Variants in CDIPT observed in about 807,000 individuals in gnomAD.
CDIPT encodes the protein CDP-diacylglycerol--inositol 3-phosphatidyltransferase, also known as PI synthase.
In CDIPT, 17 loss-of-function variants were observed where a neutral mutation model predicts 21.6. The ratio of observed to expected loss-of-function variants is 0.79; its 90% confidence interval spans 0.54 to 1.18. CDIPT has a LOEUF of 1.18. Ranked by LOEUF, CDIPT falls within the 50% of genes most tolerant of loss-of-function variation. The pLI is 0.00. For missense variants in CDIPT, 254 were observed against 284.9 expected (o/e 0.89, Z 0.78); for synonymous variants, 119 against 117.9 (o/e 1.01, Z -0.06).
At chr16:29,861,387 G>A (rs772080905) in intron 2 of CDIPT, 128 bp from the exon 3 acceptor site, 118 of 1,549,716 alleles carry the variant, frequency 7.6e-5, no homozygotes, top group Non-Finnish European at 8.6e-5. Context: ...GGGGAGGAAC[G>A]CAGGCTAGAA....
At position 29,862,848 on chromosome 16, in the gene CDIPT, C is replaced by T. The variant is rs2067695187; in HGVS notation, c.10G>A (p.Glu4Lys). The stretch of plus-strand genomic sequence containing the variant: ...TTGGGCACGAACAGGAAGATATTTT[C>T]GTCTGGCATCGCGGCGCCTCCCTTG... MPD[E>K]NIFLFVPNLI... is the part of the protein sequence containing the mutation. The change falls in exon 1 of 6, where the codon GAA (glutamate) becomes AAA (lysine). Residue 4 changes from glutamate to lysine, a missense_variant. Glu to Lys is a moderately conservative substitution (Grantham distance 56). Coordinates refer to ENST00000219789, the MANE Select transcript of CDIPT (RefSeq NM_006319.5). The surrounding 1 kb of genome is among the most constrained non-coding windows in gnomAD (Gnocchi z 6.7). 1 of 1,613,692 alleles carries T rather than the reference C, an allele frequency of 6.2e-7. No individual in the cohort carries two copies. Among genetic ancestry groups the T allele is most frequent in the African/African-American group, 1.3e-5 (1 of 74,938 alleles).
chr16:29,863,054 C>A lies in CDIPT; in HGVS notation c.-197G>T. 1 of 648,540 alleles carries A rather than the reference C, an allele frequency of 1.5e-6. No homozygotes were observed. 40.2% of individuals were successfully genotyped at this position (648,540 alleles called of 1,614,324 possible). A position where few individuals can be genotyped will look rare whatever the true frequency, so the allele number is the denominator to read the frequency against. On this transcript the variant is annotated 5_prime_UTR_variant, in exon 1 of 6. Transcript: ENST00000219789. ...GACCGGCCCCGAGGTGCGCGGGACG[C>A]AGGGGGCGCGCGCAGTCCGCCCTTC...
rs761170255 is a variant in CDIPT, at chr16:29,860,673, A to G, written c.333-11T>C. On this transcript the variant is annotated splice_polypyrimidine_tract_variant and intron_variant, in intron 3 of 5. Coordinates refer to ENST00000219789, the MANE Select transcript of CDIPT (RefSeq NM_006319.5). ...CCTCGGACCACAGAACTTGGGGAGA[A>G]AACAGGGGAACCCACAAGGTTTCAT... The G allele has an allele frequency of 3.8e-6, 6 of 1,563,596 alleles. No individual in the cohort carries two copies. The Admixed American group carries it at 1.0e-4, about 26-fold the overall frequency.
rs1443960141 is a variant in CDIPT at position 29,858,625 on chromosome 16, G to A, written c.*564C>T. On this transcript the variant is annotated 3_prime_UTR_variant, in exon 6 of 6. Coordinates refer to ENST00000219789, the MANE Select transcript of CDIPT (RefSeq NM_006319.5). ...GACGGAGAAGCCAGCCAGCAAACTG[G>A]AGGAAAAGCACCCAGACGGACGTCC... The A allele has an allele frequency of 6.5e-6, 1 of 154,708 alleles. No homozygotes were observed. Among genetic ancestry groups the A allele is most frequent in the Admixed American group, 6.3e-5 (1 of 15,958 alleles). The allele number at this position is 154,708 out of a possible 1,614,324, so 9.6% of individuals were successfully genotyped here. A position where few individuals can be genotyped will look rare whatever the true frequency, so the allele number is the denominator to read the frequency against.
At chr16:29,860,338 T>C (rs1381268075) in intron 4 of CDIPT, among the ~76,000 whole-genome samples, 1 of 152,190 alleles carries the variant, frequency 6.6e-6, no homozygotes, top group Non-Finnish European at 1.5e-5. Flanking sequence ...CTGGCTTATC[T>C]CCCTTCCCGC....
In CDIPT at chr16:29,860,490, C is replaced by A. The variant is rs1344353864; in HGVS notation, c.414+91G>T. Reference sequence around the variant, plus strand: ...GTGACTGGGCAGGCCCTGCTCTGCGCCCTCGCCTTCTCCTAGGCTAGGACC... The same window carrying A: ...GTGACTGGGCAGGCCCTGCTCTGCGACCTCGCCTTCTCCTAGGCTAGGACC... On this transcript the variant is annotated intron_variant, in intron 4 of 5. Transcript: ENST00000219789. 10 of 830,876 alleles carry A rather than the reference C, an allele frequency of 1.2e-5. No homozygotes were observed. The East Asian group carries it at 2.6e-4, about 21-fold the overall frequency. The allele number at this position is 830,876 out of a possible 1,614,324, so 51.5% of individuals were successfully genotyped here.
In CDIPT at chr16:29,863,144, C is replaced by T; in HGVS notation, c.-287G>A. ...GCTCCGGGCCTCCAGCTGCGGTCGC[C>T]GCTGCTCCAGCTGCGCGTGGCTTCC... On this transcript the variant is annotated 5_prime_UTR_variant, in exon 1 of 6. Coordinates refer to ENST00000219789, the MANE Select transcript of CDIPT (RefSeq NM_006319.5). 2.2e-6 allele frequency: 1 copy of T among 450,808 alleles called. No homozygotes were observed. The highest frequency in any genetic ancestry group is 3.9e-6 in the Non-Finnish European group (1 of 253,166). 27.9% of individuals were successfully genotyped at this position (450,808 alleles called of 1,614,324 possible).
chr16:29,859,320 G>A lies in CDIPT; in HGVS notation c.511C>T (p.Leu171=). The change falls in exon 6 of 6, where the codon CTG becomes TTG. Residue 171 remains leucine, a synonymous_variant. Coordinates refer to ENST00000219789, the MANE Select transcript of CDIPT (RefSeq NM_006319.5). This position sits in a 1 kb window ranked among gnomAD's most constrained non-coding sequence, Gnocchi z 4.5. Reference sequence around the variant, plus strand: ...GTGACCCAGAGGCCCATCCGGAACAGTCCCACAGAGCCAACTGCAGGAAGG... The same window carrying A: ...GTGACCCAGAGGCCCATCCGGAACAATCCCACAGAGCCAACTGCAGGAAGG... ...SEGPLVGSVG[L]FRMGLWVTAP... The A allele has an allele frequency of 2.6e-6, 4 of 1,566,098 alleles. No individual in the cohort carries two copies. Among genetic ancestry groups the A allele is most frequent in the Non-Finnish European group, 2.6e-6 (3 of 1,155,154 alleles).
In CDIPT at chr16:29,862,795, G is replaced by A. The variant is rs563889863; in HGVS notation, c.43+20C>T. The A allele has an allele frequency of 4.3e-6, 7 of 1,613,996 alleles. No individual in the cohort carries two copies. In the South Asian group the frequency reaches 7.7e-5, roughly 18 times the overall value. ...GCCCCTCGCCCTCTCGTTCGGCCCG[G>A]GGCCGTGGGCAGCACTCACCGATGA... On this transcript the variant is annotated intron_variant, in intron 1 of 5. Coordinates refer to ENST00000219789, the MANE Select transcript of CDIPT (RefSeq NM_006319.5). The surrounding 1 kb of genome is among the most constrained non-coding windows in gnomAD (Gnocchi z 6.7).
Position 29,862,840 on chromosome 16 carries a change from G to A in CDIPT, c.18C>T (p.Ile6=), listed in dbSNP as rs763783272. ...CGATGAGGTTGGGCACGAACAGGAA[G>A]ATATTTTCGTCTGGCATCGCGGCGC... MPDEN[I]FLFVPNLIGY... The change falls in exon 1 of 6, where the codon ATC becomes ATT. Residue 6 remains isoleucine, a synonymous_variant. Coordinates refer to ENST00000219789, the MANE Select transcript of CDIPT (RefSeq NM_006319.5). This position sits in a 1 kb window ranked among gnomAD's most constrained non-coding sequence, Gnocchi z 6.7. The A allele has an allele frequency of 6.2e-7, 1 of 1,613,850 alleles. No individual in the cohort carries two copies. Among genetic ancestry groups the A allele is most frequent in the African/African-American group, 1.3e-5 (1 of 74,938 alleles).
At position 29,859,383 on chromosome 16, in the gene CDIPT, A is replaced by C. The variant is rs1181906979; in HGVS notation, c.497-49T>G. 6.3e-7 allele frequency: 1 copy of C among 1,588,344 alleles called. No homozygotes were observed. The highest frequency in any genetic ancestry group is 8.6e-7 in the Non-Finnish European group (1 of 1,165,896). On this transcript the variant is annotated intron_variant, in intron 5 of 5. Transcript: ENST00000219789. This position sits in a 1 kb window ranked among gnomAD's most constrained non-coding sequence, Gnocchi z 4.5. Reference sequence around the variant, plus strand: ...TTGGGGCCCGAAGGAGGGGGCCTCCATCTCCCTGGGCAGGCCAGATCCCCC... The same window carrying C: ...TTGGGGCCCGAAGGAGGGGGCCTCCCTCTCCCTGGGCAGGCCAGATCCCCC...
At position 29,859,407 on chromosome 16, in the gene CDIPT, C is replaced by G. The variant is rs1429787716; in HGVS notation, c.496+35G>C. On this transcript the variant is annotated intron_variant, in intron 5 of 5. Transcript: ENST00000219789. This position sits in a 1 kb window ranked among gnomAD's most constrained non-coding sequence, Gnocchi z 4.5. ...CATCTCCCTGGGCAGGCCAGATCCC[C>G]CTCCCATCCTCCTGCCCAGCCCCTC... 1 of 1,601,278 alleles carries G rather than the reference C, an allele frequency of 6.2e-7. No homozygotes were observed. Among genetic ancestry groups the G allele is most frequent in the South Asian group, 1.1e-5 (1 of 89,818 alleles).
Position 29,862,103 on chromosome 16 carries a change from C to T in CDIPT, c.178+483G>A, listed in dbSNP as rs772353141. ...TCATGTCTTGCTAATCCACACCTCT[C>T]ACAAGCAGTGAGTTCTCAAGAGCTA... is the stretch of plus-strand genomic sequence containing the variant. On this transcript the variant is annotated intron_variant, in intron 2 of 5. Coordinates refer to ENST00000219789, the MANE Select transcript of CDIPT (RefSeq NM_006319.5). The surrounding 1 kb of genome is among the most constrained non-coding windows in gnomAD (Gnocchi z 6.7). 6.6e-6 allele frequency among the ~76,000 whole-genome samples: 1 copy of T among 152,210 alleles called. No homozygotes were observed. The highest frequency in any genetic ancestry group is 1.5e-5 in the Non-Finnish European group (1 of 68,032).
At position 29,862,153 on chromosome 16, in the gene CDIPT, T is replaced by C. The variant is rs2067688696; in HGVS notation, c.178+433A>G. On this transcript the variant is annotated intron_variant, in intron 2 of 5. Transcript: ENST00000219789. The surrounding 1 kb of genome is among the most constrained non-coding windows in gnomAD (Gnocchi z 6.7). Reference sequence around the variant, plus strand: ...AGCTTAAATTCCTTTTGCTACAAAATCAGTCCATTCTTGCTGGGCGCGGCA... The same window carrying C: ...AGCTTAAATTCCTTTTGCTACAAAACCAGTCCATTCTTGCTGGGCGCGGCA... Among the ~76,000 whole-genome samples, 1 of 152,178 alleles carries C rather than the reference T, an allele frequency of 6.6e-6. No homozygotes were observed. Among genetic ancestry groups the C allele is most frequent in the Non-Finnish European group, 1.5e-5 (1 of 68,034 alleles).
At chr16:29,860,831 C>T (rs1192397609) in intron 3 of CDIPT, 169 bp from the exon 4 acceptor site, 2 of 631,818 alleles carry the variant, frequency 3.2e-6, no homozygotes, top group East Asian at 2.7e-5. Context: ...TCAAATGCCA[C>T]ATTTGAAAGC....
intron 2 of CDIPT, among the ~76,000 whole-genome samples, chr16:29,861,869 G>T (rs1237788788): frequency 6.6e-6 from 1 of 152,040 alleles, no homozygotes; most frequent in East Asian, 1.9e-4. Context: ...GAGTAGCTGG[G>T]ATTACAGGCA....
In CDIPT at chr16:29,859,595, T is replaced by TG; in HGVS notation, c.415-73dup. 1 of 943,430 alleles carries TG rather than the reference T, an allele frequency of 1.1e-6. No homozygotes were observed. Among genetic ancestry groups the TG allele is most frequent in the Non-Finnish European group, 1.7e-6 (1 of 583,388 alleles). 58.4% of individuals were successfully genotyped at this position (943,430 alleles called of 1,614,324 possible). ...CCACCCCCTGCCCCCCCAGCACTAA[T>TG]GAAGGCACAATCTCGGCATATTACT... On this transcript the variant is annotated intron_variant, in intron 4 of 5. Transcript: ENST00000219789. The surrounding 1 kb of genome is among the most constrained non-coding windows in gnomAD (Gnocchi z 4.5).
intron 2 of CDIPT, chr16:29,861,465 G>C: frequency 6.5e-7 from 1 of 1,536,962 alleles, no homozygotes; most frequent in Non-Finnish European, 8.7e-7. Context: ...CATGAGAGTG[G>C]AGGGAACAGG....
chr16:29,862,581 G>C lies in CDIPT; in HGVS notation c.178+5C>G. Reference sequence around the variant, plus strand: ...CCAAGGCTGGCTGAGAGGGGTGTCTGTCACCTTGATTAAGAGCGCGAGCAG... The same window carrying C: ...CCAAGGCTGGCTGAGAGGGGTGTCTCTCACCTTGATTAAGAGCGCGAGCAG... On this transcript the variant is annotated splice_donor_5th_base_variant and intron_variant, in intron 2 of 5. Transcript: ENST00000219789. The surrounding 1 kb of genome is among the most constrained non-coding windows in gnomAD (Gnocchi z 6.7). 1 of 1,565,056 alleles carries C rather than the reference G, an allele frequency of 6.4e-7. No individual in the cohort carries two copies. Among genetic ancestry groups the C allele is most frequent in the Non-Finnish European group, 8.7e-7 (1 of 1,154,618 alleles).
Sources: allele counts gnomAD v4.1 joint callset (sites outside exome capture counted in the v4.1 genomes callset), GRCh38; gene constraint gnomAD v4.1.1; non-coding constraint Gnocchi (gnomAD v3.1); transcripts MANE v1.5; gene names NCBI Gene and HGNC (gene_info 2026-07-23, HGNC 2026-07-21).